The following LSAMP variants were observed in gnomAD, a reference collection of about 807,000 sequenced individuals.
LSAMP encodes the protein limbic system-associated membrane protein.
A neutral mutation model predicts 38.6 loss-of-function variants in LSAMP; 7 were observed. The observed-to-expected ratio is 0.18, with a 90% CI of 0.10 to 0.34. LSAMP has a LOEUF of 0.34. LSAMP is among the 10% of genes least tolerant of loss of function. The pLI is 1.00. For synonymous variants in LSAMP, 154 were observed against 166.8 expected (o/e 0.92, Z 0.59); for missense variants, 313 against 420.0 (o/e 0.75, Z 2.23).
chr3:116,341,303 G>A (rs2047992344), intron 1 of LSAMP, among the ~76,000 whole-genome samples: 1 of 151,926 alleles, frequency 6.6e-6, no homozygotes, highest in South Asian at 2.1e-4. Flanking sequence ...GTTGGTGGTG[G>A]TGGTGTAGTG....
chr3:115,895,604 G>C (rs902198205), intron 3 of LSAMP, among the ~76,000 whole-genome samples: 2 of 151,980 alleles, frequency 1.3e-5, no homozygotes, highest in Non-Finnish European at 2.9e-5. Context: ...TTCTTTGAAC[G>C]GATCTATGGA....
At chr3:116,078,484 C>T (rs1402156820) in intron 2 of LSAMP, among the ~76,000 whole-genome samples, 1 of 151,938 alleles carries the variant, frequency 6.6e-6, no homozygotes, top group East Asian at 1.9e-4. Flanking sequence ...GCCACCAACA[C>T]CCAGCTAAGT....
chr3:116,307,949 T>C (rs2047505066), intron 1 of LSAMP, among the ~76,000 whole-genome samples: 1 of 151,894 alleles, frequency 6.6e-6, no homozygotes, highest in Non-Finnish European at 1.5e-5. Context: ...ATTTCCCTAT[T>C]TATAAAATGC....
intron 1 of LSAMP, among the ~76,000 whole-genome samples, chr3:116,142,689 C>T (rs1035108177): frequency 2.0e-5 from 3 of 152,018 alleles, no homozygotes; most frequent in African/African-American, 7.2e-5. Context: ...AAAATCCTCT[C>T]ATCATTTTAG....
chr3:115,989,563 G>A (rs983207814), intron 3 of LSAMP, among the ~76,000 whole-genome samples: 3 of 151,992 alleles, frequency 2.0e-5, no homozygotes, highest in African/African-American at 7.2e-5. Context: ...GAATTTGTAT[G>A]ATCTGTCTCC....
At chr3:116,265,401 C>G (rs1055562542) in intron 1 of LSAMP, among the ~76,000 whole-genome samples, 1 of 152,156 alleles carries the variant, frequency 6.6e-6, no homozygotes, top group African/African-American at 2.4e-5. Context: ...TTACATCTAT[C>G]TTTTTGACAA....
chr3:116,312,490 C>T (rs1211754858), intron 1 of LSAMP, among the ~76,000 whole-genome samples: 1 of 152,166 alleles, frequency 6.6e-6, no homozygotes, highest in Non-Finnish European at 1.5e-5. Flanking sequence ...CCTTTCCATT[C>T]TGAGTTATTT....
In LSAMP at chr3:115,932,999, A is replaced by G. The variant is rs79184898; in HGVS notation, c.515-80382T>C. On this transcript the variant is annotated intron_variant, in intron 3 of 6. Coordinates refer to ENST00000490035, the MANE Select transcript of LSAMP (RefSeq NM_002338.5). ...GAAACTGAACTAGCTCTTGAGCATC[A>G]ACTCATAATGTTTCAGGGGGAAGAA... Among the ~76,000 whole-genome samples, 476 of 152,308 alleles carry G rather than the reference A, an allele frequency of 3.1e-3. 3 individuals carry two copies. Among genetic ancestry groups the G allele is most frequent in the African/African-American group, 0.011 (441 of 41,570 alleles).
At chr3:116,208,644 G>C (rs1002975307) in intron 1 of LSAMP, among the ~76,000 whole-genome samples, 2 of 152,126 alleles carry the variant, frequency 1.3e-5, no homozygotes, top group Admixed American at 6.5e-5. Context: ...CTGCAGGTCT[G>C]TTGGAATACC....
Position 116,120,125 on chromosome 3 carries a change from T to A in LSAMP, c.156-33569A>T, listed in dbSNP as rs574789284. On this transcript the variant is annotated intron_variant, in intron 1 of 6. Transcript: ENST00000490035. ...GATGGAGAGATAAAGACATATAAACTTTTTCAAGGAGCTCACGGTCATATG... is the reference window on the plus strand; with the variant it reads ...GATGGAGAGATAAAGACATATAAACATTTTCAAGGAGCTCACGGTCATATG... Among the ~76,000 whole-genome samples the A allele has an allele frequency of 3.0e-4, 46 of 152,234 alleles. 1 individual carries two copies. In the South Asian group the frequency reaches 8.1e-3, roughly 27 times the overall value.
chr3:116,407,914 T>C (rs2048918633), intron 1 of LSAMP, among the ~76,000 whole-genome samples: 1 of 151,972 alleles, frequency 6.6e-6, no homozygotes, highest in African/African-American at 2.4e-5. Flanking sequence ...CTCTAACAAG[T>C]TTCATCCTAT....
intron 3 of LSAMP, among the ~76,000 whole-genome samples, chr3:115,854,184 ATTATCT>A (rs1006620354): frequency 9.3e-5 from 14 of 151,310 alleles, no homozygotes; most frequent in South Asian, 4.2e-4. Context: ...AGTTCTGCAC[ATTATCT>A]TTATCTAGCA....
chr3:116,415,748 T>G (rs937143376), intron 1 of LSAMP, among the ~76,000 whole-genome samples: 1 of 152,134 alleles, frequency 6.6e-6, no homozygotes, highest in Admixed American at 6.6e-5. Flanking sequence ...TGCTGGATTG[T>G]AATGCTGCTG....
intron 1 of LSAMP, among the ~76,000 whole-genome samples, chr3:116,164,598 C>A (rs1709986873): frequency 1.9e-4 from 8 of 41,910 alleles, no homozygotes; most frequent in Admixed American, 3.1e-4. Context: ...TATATATAAT[C>A]CAAATATATA....
rs541289135 is a variant in LSAMP at position 116,272,501 on chromosome 3, T to C, written c.155+172376A>G. Among the ~76,000 whole-genome samples, 5 of 152,308 alleles carry C rather than the reference T, an allele frequency of 3.3e-5. No individual in the cohort carries two copies. The East Asian group carries it at 9.7e-4, about 29-fold the overall frequency. Reference sequence around the variant, plus strand: ...ACAACTACTCAAATTGGTCATATCATGCCCACTGGCTAATAGGGAGATGCA... The same window carrying C: ...ACAACTACTCAAATTGGTCATATCACGCCCACTGGCTAATAGGGAGATGCA... On this transcript the variant is annotated intron_variant, in intron 1 of 6. Transcript: ENST00000490035.
chr3:116,164,760 A>ATTT lies in LSAMP; in HGVS notation c.156-78207_156-78205dup, dbSNP rs1553709491. The stretch of plus-strand genomic sequence containing the variant: ...TATATATCCATATATATATATATAT[A>ATTT]TTTTTTTTTTTTTTCAAGTAGCATC... On this transcript the variant is annotated intron_variant, in intron 1 of 6. Transcript: ENST00000490035. 6.2e-4 allele frequency among the ~76,000 whole-genome samples: 57 copies of ATTT among 91,616 alleles called. 5 individuals are homozygous for ATTT. The highest frequency in any genetic ancestry group is 9.2e-4 in the East Asian group (3 of 3,272). 60.1% of individuals were successfully genotyped at this position (91,616 alleles called of 152,430 possible).
At chr3:116,294,842 A>G (rs1039028764) in intron 1 of LSAMP, among the ~76,000 whole-genome samples, 1 of 152,214 alleles carries the variant, frequency 6.6e-6, no homozygotes, top group African/African-American at 2.4e-5. Context: ...GGAATAGTGA[A>G]GGAGGGTGAC....
intron 3 of LSAMP, among the ~76,000 whole-genome samples, chr3:115,894,978 G>A (rs1051927895): frequency 7.4e-4 from 41 of 55,736 alleles, no homozygotes; most frequent in Non-Finnish European, 2.1e-4. Flanking sequence ...AGAACCAAAT[G>A]CGGATGAATA....
chr3:115,829,408 A>G (rs1934536117), intron 6 of LSAMP, among the ~76,000 whole-genome samples: 1 of 152,242 alleles, frequency 6.6e-6, no homozygotes, highest in Non-Finnish European at 1.5e-5. Context: ...GGTCAACTCA[A>G]TAATTTTCAT....
Sources: allele counts gnomAD v4.1 joint callset (sites outside exome capture counted in the v4.1 genomes callset), GRCh38; gene constraint gnomAD v4.1.1; transcripts MANE v1.5; gene names NCBI Gene and HGNC (gene_info 2026-07-23, HGNC 2026-07-21).